SCN9A: variants seen among roughly 807,000 people sequenced by gnomAD.
SCN9A encodes the protein sodium channel protein type 9 subunit alpha.
In SCN9A, 131 loss-of-function variants were observed where a neutral mutation model predicts 187.0. The ratio of observed to expected loss-of-function variants is 0.70; its 90% CI spans 0.61 to 0.81. The LOEUF is 0.81. Ranked by LOEUF, SCN9A falls within the 30% of genes least tolerant of loss-of-function variation. The pLI is 0.00. For missense variants in SCN9A, 2,252 were observed against 2,396.6 expected, an observed-to-expected ratio of 0.94 and a Z score of 1.26; for synonymous variants, 809 against 808.6, an observed-to-expected ratio of 1.00 and a Z score of -0.01.
intron 1 of SCN9A, chr2:166,321,486 G>A (rs1431363067): frequency 6.7e-6 from 1 of 150,348 alleles, no homozygotes; most frequent in Non-Finnish European, 1.5e-5. Context: ...TCACACCACT[G>A]CGGTCCAGCT....
intron 1 of SCN9A, among the ~76,000 whole-genome samples, chr2:166,350,152 T>G (rs900012652): frequency 6.6e-6 from 1 of 152,210 alleles, no homozygotes; most frequent in African/African-American, 2.4e-5. Flanking sequence ...CTTTCAACTA[T>G]GATGTCAATA....
intron 1 of SCN9A, among the ~76,000 whole-genome samples, chr2:166,318,557 G>A (rs1302373436): frequency 4.7e-5 from 7 of 150,492 alleles, no homozygotes; most frequent in Admixed American, 4.6e-4. Flanking sequence ...AATTTGAGGA[G>A]ACAGAGTATC....
rs74449889 is a variant in SCN9A, at chr2:166,304,225, A to C, written c.688+13T>G. ...TATGAGTGGCCTAATGCTTCACACC[A>C]ATTACTTCTTACCTGGGATTACAGA... On this transcript the variant is annotated intron_variant, in intron 6 of 26. Transcript: ENST00000642356. The C allele has an allele frequency of 2.5e-6, 4 of 1,612,064 alleles. No homozygotes were observed. Among genetic ancestry groups the C allele is most frequent in the Non-Finnish European group, 3.4e-6 (4 of 1,178,492 alleles).
At chr2:166,338,684 G>T (rs1318622258) in intron 1 of SCN9A, among the ~76,000 whole-genome samples, 1 of 152,068 alleles carries the variant, frequency 6.6e-6, no homozygotes, top group Non-Finnish European at 1.5e-5. Flanking sequence ...GCATTTAGTT[G>T]TTATACCTCA....
At chr2:166,200,003 T>TTTTG (rs1276961064) in intron 26 of SCN9A, 139 bp from the exon 27 acceptor site, 1 of 466,316 alleles carries the variant, frequency 2.1e-6, no homozygotes, top group Non-Finnish European at 3.1e-6. Flanking sequence ...TTTTTTTTTT[T>TTTTG]TTTTTTTTTT....
chr2:166,315,362 A>G (rs1315197057), intron 1 of SCN9A, among the ~76,000 whole-genome samples: 4 of 152,116 alleles, frequency 2.6e-5, no homozygotes, highest in African/African-American at 9.7e-5. Context: ...CAATATTCCT[A>G]TTCTCCTCTG....
At chr2:166,351,338 C>T (rs547813798) in intron 1 of SCN9A, among the ~76,000 whole-genome samples, 57 of 152,216 alleles carry the variant, frequency 3.7e-4, no homozygotes, top group African/African-American at 1.4e-3. Context: ...GAAAAAATTG[C>T]TTCCTGCAAC....
At chr2:166,285,289 C>A (rs941733762) in intron 11 of SCN9A, among the ~76,000 whole-genome samples, 16 of 152,102 alleles carry the variant, frequency 1.1e-4, no homozygotes, top group Admixed American at 3.9e-4. Flanking sequence ...TTAAAGAGAG[C>A]TTTTAGCACC....
In SCN9A at chr2:166,272,819, T is replaced by G. The variant is rs770221084; in HGVS notation, c.2931A>C (p.Thr977=). The part of the protein sequence containing the change: ...LLSSFSSDNL[T]AIEEDPDANN... ...TTGCATCAGGGTCTTCTTCAATTGCTGTAAGATTGTCTGAACTAAATGAGC... is the reference window on the plus strand; with the variant it reads ...TTGCATCAGGGTCTTCTTCAATTGCGGTAAGATTGTCTGAACTAAATGAGC... The change falls in exon 17 of 27, where the codon ACA becomes ACC. Residue 977 remains threonine (T), a synonymous_variant. Coordinates refer to ENST00000642356, the MANE Select transcript of SCN9A (RefSeq NM_001365536.1). 1 of 1,518,976 alleles carries G rather than the reference T, an allele frequency of 6.6e-7. No homozygotes were observed. 94.1% of individuals were successfully genotyped at this position (1,518,976 alleles called of 1,614,324 possible). A position where few individuals can be genotyped will look rare whatever the true frequency, so the allele number is the denominator to read the frequency against.
chr2:166,260,637 T>G (rs1696467479), intron 17 of SCN9A, among the ~76,000 whole-genome samples: 1 of 151,854 alleles, frequency 6.6e-6, no homozygotes, highest in African/African-American at 2.4e-5. Context: ...CATGAAGTTT[T>G]TAGTGTGGTT....
chr2:166,230,250 T>C (rs575890117), intron 21 of SCN9A, among the ~76,000 whole-genome samples: 32 of 152,298 alleles, frequency 2.1e-4, no homozygotes, highest in African/African-American at 7.7e-4. Context: ...TTGGAGTTCA[T>C]GGACCTGTAG....
chr2:166,228,904 G>A lies in SCN9A; in HGVS notation c.3993C>T (p.Phe1331=). 6.2e-7 allele frequency: 1 copy of A among 1,613,524 alleles called. No homozygotes were observed. The highest frequency in any genetic ancestry group is 8.5e-7 in the Non-Finnish European group (1 of 1,179,502). The change falls in exon 22 of 27, where the codon TTC becomes TTT. Residue 1331 remains phenylalanine, a synonymous_variant. Coordinates refer to ENST00000642356, the MANE Select transcript of SCN9A (RefSeq NM_001365536.1). ...IMNVLLVCLI[F]WLIFSIMGVN... ...CTCCCATGATGCTGAATATCAGCCA[G>A]AATATAAGACACACAAGTAGCACAT...
At chr2:166,314,971 A>G (rs1165764789) in intron 1 of SCN9A, among the ~76,000 whole-genome samples, 4 of 152,194 alleles carry the variant, frequency 2.6e-5, no homozygotes, top group African/African-American at 4.8e-5. Flanking sequence ...ATGGTGTGTA[A>G]ATTATATCTT....
chr2:166,265,976 G>T (rs1696718619), intron 17 of SCN9A, among the ~76,000 whole-genome samples: 1 of 151,788 alleles, frequency 6.6e-6, no homozygotes, highest in African/African-American at 2.4e-5. Context: ...ATTATCAGAT[G>T]CATAGTTTAC....
At chr2:166,370,426 C>G (rs1376398758) in intron 1 of SCN9A, among the ~76,000 whole-genome samples, 1 of 151,340 alleles carries the variant, frequency 6.6e-6, no homozygotes, top group East Asian at 1.9e-4. Flanking sequence ...CGCCTGTAGT[C>G]CCAGCTACTC....
intron 1 of SCN9A, among the ~76,000 whole-genome samples, chr2:166,367,155 A>T (rs1292833525): frequency 1.3e-5 from 2 of 152,234 alleles, no homozygotes; most frequent in Non-Finnish European, 2.9e-5. Flanking sequence ...CCTGCACAAG[A>T]TCACTTTGCT....
intron 1 of SCN9A, among the ~76,000 whole-genome samples, chr2:166,335,898 T>C (rs1029615539): frequency 6.6e-6 from 1 of 152,122 alleles, no homozygotes; most frequent in Admixed American, 6.6e-5. Flanking sequence ...TCTGAGCATG[T>C]ACAGAGTTTT....
At chr2:166,320,872 C>T (rs1382415553) in intron 1 of SCN9A, among the ~76,000 whole-genome samples, 2 of 152,040 alleles carry the variant, frequency 1.3e-5, no homozygotes, top group Non-Finnish European at 2.9e-5. Flanking sequence ...AGGTATACTC[C>T]ACTGTGGCTA....
chr2:166,374,638 A>G (rs537140055), intron 1 of SCN9A, among the ~76,000 whole-genome samples: 1 of 152,248 alleles, frequency 6.6e-6, no homozygotes, highest in Non-Finnish European at 1.5e-5. Context: ...AGCAAAAATT[A>G]TAAAATATAT....
Sources: gnomAD v4.1 joint callset for allele counts (sites outside exome capture counted in the v4.1 genomes callset) on GRCh38, gnomAD v4.1.1 for gene constraint, MANE v1.5 for transcripts, NCBI Gene and HGNC (gene_info 2026-07-23, HGNC 2026-07-21) for gene names.